Variants in WDSUB1 observed in about 807,000 individuals in gnomAD.
The protein encoded by WDSUB1 is WD repeat, sterile alpha motif and U-box domain containing 1.
A neutral mutation model predicts 53.9 loss-of-function variants in WDSUB1; 49 were observed. The observed-to-expected ratio is 0.91, with a 90% CI of 0.72 to 1.15. The LOEUF (loss-of-function observed/expected upper bound fraction) is 1.15. Ranked by LOEUF, WDSUB1 falls within the 50% of genes most tolerant of loss-of-function variation. The pLI, the probability that WDSUB1 is intolerant of heterozygous loss-of-function variation, is 0.00. For missense variants in WDSUB1, 514 were observed against 562.0 expected, an observed-to-expected ratio of 0.91 and a Z score of 0.86; for synonymous variants, 194 against 200.6, an observed-to-expected ratio of 0.97 and a Z score of 0.28.
intron 5 of WDSUB1, among the ~76,000 whole-genome samples, chr2:159,268,339 GCAGA>G (rs34934074): frequency 0.35 from 53,348 of 151,954 alleles, 12,311 homozygotes; most frequent in Non-Finnish European, 0.54. Context: ...CCCTAACACA[GCAGA>G]CAGAGTTCAA....
intron 5 of WDSUB1, among the ~76,000 whole-genome samples, chr2:159,260,274 C>T (rs1014107492): frequency 3.3e-5 from 5 of 152,080 alleles, no homozygotes; most frequent in African/African-American, 1.2e-4. Flanking sequence ...CACTGTACTC[C>T]AGCCTGGGTG....
chr2:159,246,288 C>G (rs374686756), intron 10 of WDSUB1, among the ~76,000 whole-genome samples: 2 of 151,876 alleles, frequency 1.3e-5, no homozygotes, highest in Non-Finnish European at 2.9e-5. Flanking sequence ...AAAAATTAGC[C>G]GGGCGTGGTG....
intron 10 of WDSUB1, 46 bp from the exon 11 acceptor site, chr2:159,236,236 A>G: frequency 6.4e-7 from 1 of 1,556,630 alleles, no homozygotes; most frequent in Non-Finnish European, 8.7e-7. Flanking sequence ...GGAAAGGGAA[A>G]TGAGGATGTC....
At chr2:159,244,125 A>C (rs2060727739) in intron 10 of WDSUB1, among the ~76,000 whole-genome samples, 1 of 152,234 alleles carries the variant, frequency 6.6e-6, no homozygotes, top group African/African-American at 2.4e-5. Flanking sequence ...TATCATACTT[A>C]ATGGTGAAAG....
At chr2:159,248,291 G>T in intron 10 of WDSUB1, 81 bp downstream of exon 10, 1 of 1,516,656 alleles carries the variant, frequency 6.6e-7, no homozygotes. Context: ...TCACATTTAA[G>T]CAAACTTCTG....
At chr2:159,285,670 C>T (rs985910625) in intron 1 of WDSUB1, among the ~76,000 whole-genome samples, 14 of 152,200 alleles carry the variant, frequency 9.2e-5, no homozygotes, top group Non-Finnish European at 1.9e-4. Context: ...TGCACCACTG[C>T]ACTCTAGCCT....
chr2:159,252,142 TAAAAA>T (rs912524644), intron 9 of WDSUB1, among the ~76,000 whole-genome samples: 14 of 38,920 alleles, frequency 3.6e-4, no homozygotes, highest in Admixed American at 1.6e-3. Flanking sequence ...TTTTAAAAAT[TAAAAA>T]TTAATTTAAA....
intron 10 of WDSUB1, among the ~76,000 whole-genome samples, chr2:159,236,688 C>T (rs1411680736): frequency 6.6e-6 from 1 of 152,198 alleles, no homozygotes; most frequent in Non-Finnish European, 1.5e-5. Flanking sequence ...GACCAAGTCT[C>T]ACACTGTTGC....
rs1331655136 is a variant in WDSUB1, at chr2:159,283,137, G to C, written c.-24-44C>G. On this transcript the variant is annotated intron_variant, in intron 1 of 10. Coordinates refer to ENST00000359774, the MANE Select transcript of WDSUB1 (RefSeq NM_001128212.3). ...TAAAGATTATTTATTCTAGGAATCA[G>C]ATACATGCAATTTGAGTCTATATAA... 5.3e-6 allele frequency: 8 copies of C among 1,500,402 alleles called. No individual in the cohort carries two copies. The East Asian group carries it at 1.8e-4, about 34-fold the overall frequency. The allele number at this position is 1,500,402 out of a possible 1,614,324, so 92.9% of individuals were successfully genotyped here.
intron 10 of WDSUB1, among the ~76,000 whole-genome samples, chr2:159,246,312 G>T (rs894288639): frequency 6.6e-6 from 1 of 151,760 alleles, no homozygotes; most frequent in Non-Finnish European, 1.5e-5. Flanking sequence ...GGTGCCTGTA[G>T]TCCCAGCTAC....
At chr2:159,280,284 A>G (rs2151151161) in intron 2 of WDSUB1, among the ~76,000 whole-genome samples, 1 of 152,360 alleles carries the variant, frequency 6.6e-6, no homozygotes, top group Non-Finnish European at 1.5e-5. Flanking sequence ...CCAGAAAAGC[A>G]ATGACAAGCA....
chr2:159,280,004 G>A (rs538361931), intron 2 of WDSUB1, 59 bp from the exon 3 acceptor site: 1 of 1,452,046 alleles, frequency 6.9e-7, no homozygotes, highest in East Asian at 2.4e-5. Context: ...TTATACCACA[G>A]TCTCTAACAG....
At chr2:159,267,547 C>T (rs35502125) in intron 5 of WDSUB1, among the ~76,000 whole-genome samples, 38,599 of 152,038 alleles carry the variant, frequency 0.25, 6,532 homozygotes, top group Non-Finnish European at 0.39. Context: ...TCAAGTGATC[C>T]TTCTGCTTTG....
chr2:159,257,051 T>C (rs2061079736), intron 8 of WDSUB1, among the ~76,000 whole-genome samples: 2 of 152,180 alleles, frequency 1.3e-5, no homozygotes, highest in Admixed American at 1.3e-4. Context: ...CAGGCTGAAG[T>C]ACAGTGGCGT....
intron 4 of WDSUB1, among the ~76,000 whole-genome samples, chr2:159,272,964 A>G (rs2061472031): frequency 1.3e-5 from 2 of 152,204 alleles, no homozygotes; most frequent in South Asian, 4.1e-4. Flanking sequence ...GTTGGGAAAG[A>G]AGGAAAAGGA....
In WDSUB1 at chr2:159,259,036, A is replaced by AATTTTTTTTTTTTTTTTTTTTT. The variant is rs1436442238; in HGVS notation, c.804+773_804+774insAAAAAAAAAAAAAAAAAAAAAT. On this transcript the variant is annotated intron_variant, in intron 6 of 10. Coordinates refer to ENST00000359774, the MANE Select transcript of WDSUB1 (RefSeq NM_001128212.3). ...GGACAATATTTTTTTCAACTACTTT[A>AATTTTTTTTTTTTTTTTTTTTT]TTTTTGAGACAGGGTCTCACTCTGT... is the stretch of plus-strand genomic sequence containing the variant. 4.4e-3 allele frequency among the ~76,000 whole-genome samples: 659 copies of AATTTTTTTTTTTTTTTTTTTTT among 150,398 alleles called. 9 individuals are homozygous for AATTTTTTTTTTTTTTTTTTTTT. The highest frequency in any genetic ancestry group is 0.02 in the East Asian group (98 of 4,928).
Position 159,248,387 on chromosome 2 carries a change from G to C in WDSUB1, c.1258C>G (p.Pro420Ala). The change falls in exon 10 of 11, where the codon CCG becomes GCG. Residue 420 changes from proline to alanine, a missense_variant. Coordinates refer to ENST00000359774, the MANE Select transcript of WDSUB1 (RefSeq NM_001128212.3). Reference sequence around the variant, plus strand: ...TCACACATACCTGATGCGATGACCGGATCTTTCATAAGTTCTCTAGTTATT... The same window carrying C: ...TCACACATACCTGATGCGATGACCGCATCTTTCATAAGTTCTCTAGTTATT... Reference protein sequence around the residue: ...CPITRELMKDPVIASDGYSYE... With the variant: ...CPITRELMKDAVIASDGYSYE... 5 of 1,611,586 alleles carry C rather than the reference G, an allele frequency of 3.1e-6. No individual in the cohort carries two copies. In the East Asian group the frequency reaches 1.1e-4, roughly 36 times the overall value.
intron 10 of WDSUB1, among the ~76,000 whole-genome samples, chr2:159,238,914 C>T (rs1264838275): frequency 2.0e-5 from 3 of 152,092 alleles, no homozygotes; most frequent in Non-Finnish European, 4.4e-5. Context: ...CCTCAGCATG[C>T]TCCACCTGCC....
intron 2 of WDSUB1, among the ~76,000 whole-genome samples, chr2:159,281,177 G>GT (rs2061656073): frequency 6.6e-6 from 1 of 152,142 alleles, no homozygotes. Flanking sequence ...CTTTTAATTG[G>GT]TAATTACTTA....
Sources: allele counts gnomAD v4.1 joint callset (sites outside exome capture counted in the v4.1 genomes callset), GRCh38; gene constraint gnomAD v4.1.1; transcripts MANE v1.5; gene names NCBI Gene and HGNC (gene_info 2026-07-23, HGNC 2026-07-21).